The following F2R variants were observed in gnomAD, a reference collection of about 807,000 sequenced individuals.
F2R encodes coagulation factor II thrombin receptor, also known as proteinase-activated receptor 1.
A neutral mutation model predicts 18.3 loss-of-function variants in F2R; 12 were observed. The observed-to-expected ratio is 0.66, with a 90% CI of 0.42 to 1.06. The LOEUF (loss-of-function observed/expected upper bound fraction) is 1.06, where lower values mean the gene tolerates loss of function less well. Ranked by LOEUF, F2R falls within the 50% of genes least tolerant of loss-of-function variation. The pLI is 0.00. For missense variants in F2R, 438 were observed against 530.8 expected, an observed-to-expected ratio of 0.83 and a Z score of 1.72; for synonymous variants, 210 against 219.9, an observed-to-expected ratio of 0.95 and a Z score of 0.40.
Position 76,720,430 on chromosome 5 carries a change from G to A in F2R, c.88+4035G>A, listed in dbSNP as rs1429007662. ...GCCTGGGCAACAGAGTGGGAGAGAC[G>A]CTGTCTTCAAAATATTTAATAAATG... On this transcript the variant is annotated intron_variant, in intron 1 of 1. Transcript: ENST00000319211. Among the ~76,000 whole-genome samples the A allele has an allele frequency of 7.9e-5, 12 of 152,042 alleles. No homozygotes were observed. In the East Asian group the frequency reaches 1.5e-3, roughly 20 times the overall value.
chr5:76,729,814 G>A (rs1748636388), intron 1 of F2R, among the ~76,000 whole-genome samples: 1 of 152,178 alleles, frequency 6.6e-6, no homozygotes, highest in Non-Finnish European at 1.5e-5. Flanking sequence ...CCCATGTGTT[G>A]TAGGAGGGAC....
intron 1 of F2R, among the ~76,000 whole-genome samples, chr5:76,717,328 GAA>G (rs1223445929): frequency 6.6e-6 from 1 of 152,226 alleles, no homozygotes; most frequent in Non-Finnish European, 1.5e-5. Context: ...TAGAAAGTGA[GAA>G]AAGTGTTTTT....
intron 1 of F2R, among the ~76,000 whole-genome samples, chr5:76,724,059 TG>T (rs1039443484): frequency 3.3e-5 from 5 of 152,162 alleles, no homozygotes; most frequent in African/African-American, 1.2e-4. Context: ...CATTTCCTTC[TG>T]TTTTTTTGTT....
In F2R at chr5:76,733,377, T is replaced by C; in HGVS notation, c.1152T>C (p.Ser384=). 3.1e-6 allele frequency: 5 copies of C among 1,614,180 alleles called. No homozygotes were observed. Among genetic ancestry groups the C allele is most frequent in the Non-Finnish European group, 4.2e-6 (5 of 1,180,040 alleles). Residue 384 remains serine (S), a synonymous_variant, in exon 2 of 2, where the codon AGT becomes AGC. Transcript: ENST00000319211. ...ASSECQRYVY[S]ILCCKESSDP... ...CTGAGTGCCAGAGGTACGTCTACAG[T>C]ATCTTATGCTGCAAAGAAAGTTCCG... is the stretch of plus-strand genomic sequence containing the variant.
At chr5:76,725,296 T>C (rs1436790841) in intron 1 of F2R, among the ~76,000 whole-genome samples, 1 of 152,186 alleles carries the variant, frequency 6.6e-6, no homozygotes, top group African/African-American at 2.4e-5. Flanking sequence ...ATTTAATAAT[T>C]TGCTGTATTC....
At position 76,735,142 on chromosome 5, in the gene F2R, A is replaced by C. The variant is rs2150584781; in HGVS notation, c.*1639A>C. On this transcript the variant is annotated 3_prime_UTR_variant, in exon 2 of 2. Transcript: ENST00000319211. ...TCTTATCTTACGAAAAAATGGTAGC[A>C]TTTTAAACAAAATAGAAAGTTGCAA... 1 of 152,498 alleles carries C rather than the reference A, an allele frequency of 6.6e-6. No individual in the cohort carries two copies. Among genetic ancestry groups the C allele is most frequent in the East Asian group, 1.9e-4 (1 of 5,326 alleles). The allele number at this position is 152,498 out of a possible 1,614,324, so 9.4% of individuals were successfully genotyped here.
chr5:76,732,254 T>A, intron 1 of F2R, 60 bp from the exon 2 acceptor site: 1 of 1,330,464 alleles, frequency 7.5e-7, no homozygotes, highest in Non-Finnish European at 1.0e-6. Flanking sequence ...TGCTTGTCGC[T>A]TTTGCCTTGT....
In F2R at chr5:76,732,716, C is replaced by A. The variant is rs566159512; in HGVS notation, c.491C>A (p.Ser164Tyr). Reference sequence around the variant, plus strand: ...CCCTTTAAGATCAGCTATTACTTTTCCGGCAGTGATTGGCAGTTTGGGTCT... The same window carrying A: ...CCCTTTAAGATCAGCTATTACTTTTACGGCAGTGATTGGCAGTTTGGGTCT... ...VLPFKISYYF[S>Y]GSDWQFGSEL... Residue 164 changes from serine to tyrosine, a missense_variant, in exon 2 of 2, where the codon TCC becomes TAC. Ser to Tyr is a moderately radical substitution (Grantham distance 144, BLOSUM62 -2). Transcript: ENST00000319211. The A allele has an allele frequency of 6.2e-7, 1 of 1,614,216 alleles. No homozygotes were observed. The highest frequency in any genetic ancestry group is 2.2e-5 in the East Asian group (1 of 44,884).
intron 1 of F2R, among the ~76,000 whole-genome samples, chr5:76,731,163 C>T (rs1291025721): frequency 6.6e-6 from 1 of 152,150 alleles, no homozygotes; most frequent in Admixed American, 6.5e-5. Flanking sequence ...GGAGATAACC[C>T]CAGGGATTGT....
chr5:76,721,424 T>C (rs1397334403), intron 1 of F2R, among the ~76,000 whole-genome samples: 2 of 152,200 alleles, frequency 1.3e-5, no homozygotes, highest in Non-Finnish European at 2.9e-5. Context: ...GACCTTGTCG[T>C]GGTACTTGGA....
Position 76,716,340 on chromosome 5 carries a change from C to G in F2R, c.33C>G (p.Ala11=), listed in dbSNP as rs1748341821. ...CGCGGCGGCTGCTGCTGGTGGCCGC[C>G]TGCTTCAGTCTGTGCGGCCCGCTGT... The part of the protein sequence containing the change: MGPRRLLLVA[A]CFSLCGPLLS... Residue 11 remains alanine (A), a synonymous_variant, in exon 1 of 2, where the codon GCC becomes GCG. Transcript: ENST00000319211. The G allele has an allele frequency of 7.0e-7, 1 of 1,437,546 alleles. No homozygotes were observed. Among genetic ancestry groups the G allele is most frequent in the East Asian group, 2.9e-5 (1 of 33,936 alleles). The allele number at this position is 1,437,546 out of a possible 1,614,324, so 89.0% of individuals were successfully genotyped here.
At chr5:76,731,445 G>T (rs1470522264) in intron 1 of F2R, among the ~76,000 whole-genome samples, 2 of 151,648 alleles carry the variant, frequency 1.3e-5, no homozygotes, top group Non-Finnish European at 2.9e-5. Context: ...CTGTGCTCCA[G>T]CCTGGGCAAC....
intron 1 of F2R, among the ~76,000 whole-genome samples, chr5:76,729,855 G>C (rs879490332): frequency 2.6e-5 from 4 of 152,086 alleles, no homozygotes; most frequent in Non-Finnish European, 5.9e-5. Flanking sequence ...CATGGAGACG[G>C]GTCTTTCCTG....
intron 1 of F2R, among the ~76,000 whole-genome samples, chr5:76,718,568 C>G (rs978265513): frequency 5.3e-5 from 8 of 152,240 alleles, no homozygotes; most frequent in African/African-American, 1.4e-4. Context: ...TGTTCCCACT[C>G]ATTTTGGCAT....
chr5:76,727,766 T>A (rs931705094), intron 1 of F2R, among the ~76,000 whole-genome samples: 1 of 150,536 alleles, frequency 6.6e-6, no homozygotes, highest in Non-Finnish European at 1.5e-5. Context: ...TATTTTTCTT[T>A]TTTTTTTTTT....
chr5:76,727,461 A>G (rs1748585155), intron 1 of F2R, among the ~76,000 whole-genome samples: 1 of 152,222 alleles, frequency 6.6e-6, no homozygotes, highest in South Asian at 2.1e-4. Context: ...ATCAATGTAG[A>G]CACAAGTGTG....
At chr5:76,716,646 T>C (rs1348210881) in intron 1 of F2R, 1 of 744,290 alleles carries the variant, frequency 1.3e-6, no homozygotes, top group Non-Finnish European at 2.4e-6. Context: ...GTGTTGGATA[T>C]GGAGGAGGAT....
At position 76,733,059 on chromosome 5, in the gene F2R, C is replaced by T. The variant is rs147817829; in HGVS notation, c.834C>T (p.Phe278=). 7.9e-5 allele frequency: 128 copies of T among 1,614,156 alleles called. No homozygotes were observed. The African/African-American group carries it at 1.6e-3, about 20-fold the overall frequency. The change falls in exon 2 of 2, where the codon TTC becomes TTT. Residue 278 remains phenylalanine (F), a synonymous_variant. Coordinates refer to ENST00000319211, the MANE Select transcript of F2R (RefSeq NM_001992.5). Reference sequence around the variant, plus strand: ...ACTTCTCAGCCTTCTCTGCTGTCTTCTTTTTTGTGCCGCTGATCATTTCCA... The same window carrying T: ...ACTTCTCAGCCTTCTCTGCTGTCTTTTTTTTTGTGCCGCTGATCATTTCCA... ...AYYFSAFSAV[F]FFVPLIISTV... is the part of the protein sequence containing the mutation.
chr5:76,718,419 C>T (rs1748382969), intron 1 of F2R, among the ~76,000 whole-genome samples: 2 of 152,190 alleles, frequency 1.3e-5, no homozygotes, highest in African/African-American at 4.8e-5. Context: ...ACAGTGCCTC[C>T]CATCCTTGAA....
Sources: gnomAD v4.1 joint callset for allele counts (sites outside exome capture counted in the v4.1 genomes callset) on GRCh38, gnomAD v4.1.1 for gene constraint, MANE v1.5 for transcripts, NCBI Gene and HGNC (gene_info 2026-07-23, HGNC 2026-07-21) for gene names.